The following DOP1B variants were observed in gnomAD, a reference collection of about 807,000 sequenced individuals.
DOP1B encodes DOP1 leucine zipper like protein B.
DOP1B carries 174 observed loss-of-function variants against 233.5 expected under a neutral mutation model. The observed-to-expected ratio is 0.75, with a 90% CI of 0.66 to 0.85. The LOEUF is 0.85. Among genes scored for constraint, DOP1B ranks in the 40% least tolerant of loss-of-function variants. DOP1B has a pLI of 0.00. For synonymous variants in DOP1B, 1,190 were observed against 1,185.6 expected (o/e 1.00, Z -0.08); for missense variants, 2,652 against 2,846.6 (o/e 0.93, Z 1.56).
At chr21:36,180,055 C>G (rs373313368) in intron 2 of DOP1B, among the ~76,000 whole-genome samples, 153 of 152,214 alleles carry the variant, frequency 1.0e-3, no homozygotes, top group African/African-American at 3.6e-3. Context: ...GGACCACATT[C>G]TCTATCCCAA....
At chr21:36,157,799 T>G (rs2065833167) in intron 1 of DOP1B, among the ~76,000 whole-genome samples, 1 of 152,240 alleles carries the variant, frequency 6.6e-6, no homozygotes. Context: ...ATAGTACATA[T>G]CTGTTATCTG....
chr21:36,223,394 GA>G (rs1417219186), intron 11 of DOP1B, 44 bp downstream of exon 11: 1 of 1,585,428 alleles, frequency 6.3e-7, no homozygotes. Context: ...GGAAGGATGA[GA>G]GGGTTTAATA....
chr21:36,230,531 C>G lies in DOP1B; in HGVS notation c.1747C>G (p.Pro583Ala). The G allele has an allele frequency of 1.2e-6, 2 of 1,614,140 alleles. No homozygotes were observed. The highest frequency in any genetic ancestry group is 1.7e-6 in the Non-Finnish European group (2 of 1,180,012). Residue 583 changes from proline (P) to alanine (A), a missense_variant, in exon 14 of 37, where the codon CCT becomes GCT. Coordinates refer to ENST00000691173, the MANE Select transcript of DOP1B (RefSeq NM_001320714.2). Reference protein sequence around the residue: ...IPGDEDASFPPLKSEDSGIGL... With the variant: ...IPGDEDASFPALKSEDSGIGL... Reference sequence around the variant, plus strand: ...CGGTGACGAAGATGCTTCGTTTCCCCCTCTGAAGTCTGAGGACAGTGGGAT... The same window carrying G: ...CGGTGACGAAGATGCTTCGTTTCCCGCTCTGAAGTCTGAGGACAGTGGGAT...
At chr21:36,206,596 C>A (rs1447263411) in intron 4 of DOP1B, among the ~76,000 whole-genome samples, 1 of 151,792 alleles carries the variant, frequency 6.6e-6, no homozygotes, top group East Asian at 1.9e-4. Context: ...ATTGAAGAGA[C>A]AACATAGGCA....
rs2067465574 is a variant in DOP1B, at chr21:36,284,902, ATAAC to A, written c.6161-3108_6161-3105del. On this transcript the variant is annotated intron_variant, in intron 32 of 36. Coordinates refer to ENST00000691173, the MANE Select transcript of DOP1B (RefSeq NM_001320714.2). ...TTTGTATTATATTGACATGATTGTAATAACTAATAGGTAATGATTATATAAATAG... is the reference window on the plus strand; with the variant it reads ...TTTGTATTATATTGACATGATTGTAATAATAGGTAATGATTATATAAATAG... 2.0e-5 allele frequency among the ~76,000 whole-genome samples: 3 copies of A among 150,136 alleles called. No individual in the cohort carries two copies. In the South Asian group the frequency reaches 6.2e-4, roughly 31 times the overall value.
intron 9 of DOP1B, among the ~76,000 whole-genome samples, chr21:36,215,798 A>G (rs937692460): frequency 4.8e-4 from 68 of 142,528 alleles, no homozygotes; most frequent in Non-Finnish European, 9.4e-4. Context: ...GTGGATCATG[A>G]GGTCAGGAGT....
intron 18 of DOP1B, among the ~76,000 whole-genome samples, chr21:36,242,762 C>T (rs1446497924): frequency 6.6e-6 from 1 of 152,110 alleles, no homozygotes; most frequent in African/African-American, 2.4e-5. Flanking sequence ...TGATAAGTGT[C>T]CTGCTTACCC....
In DOP1B at chr21:36,211,574, C is replaced by G. The variant is rs773325560; in HGVS notation, c.703C>G (p.Leu235Val). The G allele has an allele frequency of 1.9e-6, 3 of 1,614,072 alleles. No homozygotes were observed. ...ACAGGTGAAGTCTTTGCGTGCCTCC[C>G]TGTTGGACTCAAATGTTCTTGTGCA... Reference protein sequence around the residue: ...QLTVKSLRASLLDSNVLVQRN... With the variant: ...QLTVKSLRASVLDSNVLVQRN... Residue 235 changes from leucine (L) to valine (V), a missense_variant, in exon 6 of 37, where the codon CTG (leucine) becomes GTG (valine). Leu to Val is a conservative substitution (Grantham distance 32, BLOSUM62 1). Transcript: ENST00000691173.
At chr21:36,265,507 T>C (rs2835331) in intron 26 of DOP1B, among the ~76,000 whole-genome samples, 48,405 of 152,212 alleles carry the variant, frequency 0.32, 8,830 homozygotes, top group East Asian at 0.58. Context: ...ACAATGCCGA[T>C]GCTGCACGTC....
intron 2 of DOP1B, among the ~76,000 whole-genome samples, chr21:36,165,552 A>G (rs1376890980): frequency 3.3e-5 from 5 of 152,072 alleles, no homozygotes; most frequent in African/African-American, 9.7e-5. Flanking sequence ...TCCGTGGCCT[A>G]TTAGGAACCG....
chr21:36,265,058 G>A (rs993991944), intron 26 of DOP1B, among the ~76,000 whole-genome samples: 2 of 152,198 alleles, frequency 1.3e-5, no homozygotes, highest in Non-Finnish European at 2.9e-5. Flanking sequence ...GGTATATCCA[G>A]AAACAGCCTC....
intron 23 of DOP1B, among the ~76,000 whole-genome samples, chr21:36,257,059 C>T (rs2067106500): frequency 6.6e-6 from 1 of 152,134 alleles, no homozygotes; most frequent in African/African-American, 2.4e-5. Context: ...TCCCACGAAC[C>T]CCCTCTTTGG....
intron 1 of DOP1B, among the ~76,000 whole-genome samples, chr21:36,164,088 C>G (rs1232639609): frequency 6.6e-6 from 1 of 152,114 alleles, no homozygotes; most frequent in Admixed American, 6.6e-5. Context: ...TACAGTGTTA[C>G]CATGAACAAA....
chr21:36,270,289 A>G (rs1054579389), intron 27 of DOP1B, 132 bp downstream of exon 27: 2 of 1,020,676 alleles, frequency 2.0e-6, no homozygotes, highest in Admixed American at 2.5e-5. Context: ...GCGGTGGCTC[A>G]CGCCTGTAAT....
At chr21:36,169,273 G>T in intron 2 of DOP1B, 1 of 826,856 alleles carries the variant, frequency 1.2e-6, no homozygotes. Flanking sequence ...AGTCCGTGGA[G>T]GCATTGTTCT....
At chr21:36,160,818 T>C (rs948297872) in intron 1 of DOP1B, among the ~76,000 whole-genome samples, 3 of 152,190 alleles carry the variant, frequency 2.0e-5, no homozygotes, top group Non-Finnish European at 1.5e-5. Context: ...ACATGGCAGT[T>C]GTATGCATTG....
At chr21:36,225,454 C>A in intron 11 of DOP1B, 111 bp from the exon 12 acceptor site, 2 of 1,203,352 alleles carry the variant, frequency 1.7e-6, no homozygotes, top group Non-Finnish European at 2.4e-6. Flanking sequence ...TGGTCTCAGA[C>A]TCCTGAGCTC....
At chr21:36,276,730 A>T (rs1485747492) in intron 27 of DOP1B, among the ~76,000 whole-genome samples, 1 of 150,968 alleles carries the variant, frequency 6.6e-6, no homozygotes, top group Non-Finnish European at 1.5e-5. Flanking sequence ...AGTCCCAGTT[A>T]CTCGGGAAGA....
At chr21:36,217,113 T>C (rs1461503939) in intron 9 of DOP1B, among the ~76,000 whole-genome samples, 6 of 148,170 alleles carry the variant, frequency 4.0e-5, no homozygotes, top group Non-Finnish European at 8.9e-5. Flanking sequence ...AGGGCATTAG[T>C]GAAGTGGCCT....
Sources: allele counts gnomAD v4.1 joint callset (sites outside exome capture counted in the v4.1 genomes callset), GRCh38; gene constraint gnomAD v4.1.1; transcripts MANE v1.5; gene names NCBI Gene and HGNC (gene_info 2026-07-23, HGNC 2026-07-21).